Variants in EIF2AK4 observed in about 807,000 individuals in gnomAD.
EIF2AK4 encodes eIF-2-alpha kinase GCN2.
Under a neutral mutation model 211.1 loss-of-function variants are expected in EIF2AK4, and 139 were observed. The observed-to-expected ratio is 0.66, with a 90% confidence interval of 0.57 to 0.76. The LOEUF (loss-of-function observed/expected upper bound fraction) is 0.76. EIF2AK4 is among the 30% of genes least tolerant of loss of function. The pLI is 0.00. For synonymous variants in EIF2AK4, 710 were observed against 751.3 expected (o/e 0.94, Z 0.90); for missense variants, 1,664 against 2,043.8 (o/e 0.81, Z 3.58).
chr15:39,977,430 A>T (rs1010631679), intron 12 of EIF2AK4: 1 of 152,302 alleles, frequency 6.6e-6, no homozygotes. Flanking sequence ...ATCTGACAGG[A>T]GGTGGAGCTC....
Position 40,030,411 on chromosome 15 carries a change from C to A in EIF2AK4, c.4614C>A (p.Ala1538=), listed in dbSNP as rs2035525625. 6.2e-7 allele frequency: 1 copy of A among 1,613,816 alleles called. No homozygotes were observed. Among genetic ancestry groups the A allele is most frequent in the Admixed American group, 1.7e-5 (1 of 59,980 alleles). ...ATVVPIVSVL[A]PEKLSASTRR... is the part of the protein sequence containing the mutation. ...TGGTTCCCATTGTGAGTGTGCTAGC[C>A]CCGGAGAAGCTGTCAGCCAGCACTA... The change falls in exon 35 of 39, where the codon GCC becomes GCA. Residue 1538 remains alanine, a synonymous_variant. Coordinates refer to ENST00000263791, the MANE Select transcript of EIF2AK4 (RefSeq NM_001013703.4).
chr15:39,999,074 AG>A (rs1343670538), intron 20 of EIF2AK4, among the ~76,000 whole-genome samples: 2 of 152,132 alleles, frequency 1.3e-5, no homozygotes, highest in East Asian at 3.8e-4. Flanking sequence ...AAAAAAAAAA[AG>A]AATCCTTTTA....
At chr15:39,988,141 G>A in intron 15 of EIF2AK4, 36 bp downstream of exon 15, 1 of 1,606,118 alleles carries the variant, frequency 6.2e-7, no homozygotes. Context: ...GAAGACTTAT[G>A]TTTACATAAA....
Position 39,963,995 on chromosome 15 carries a change from C to T in EIF2AK4, c.860-1691C>T, listed in dbSNP as rs1180085365. Among the ~76,000 whole-genome samples, 9 of 152,282 alleles carry T rather than the reference C, an allele frequency of 5.9e-5. No homozygotes were observed. The South Asian group carries it at 1.2e-3, about 21-fold the overall frequency. On this transcript the variant is annotated intron_variant, in intron 7 of 38. Transcript: ENST00000263791. ...TTTAATGCCATGTGTTTCTAGTAGACTGCTTAGATCCCACATTTCTCAGGT... is the reference window on the plus strand; with the variant it reads ...TTTAATGCCATGTGTTTCTAGTAGATTGCTTAGATCCCACATTTCTCAGGT...
chr15:39,939,644 C>T (rs375170837), intron 2 of EIF2AK4, 27 bp downstream of exon 2: 13 of 1,554,748 alleles, frequency 8.4e-6, no homozygotes, highest in African/African-American at 6.8e-5. Context: ...ATAGCTTTGA[C>T]GTGGTTTCAG....
chr15:40,011,420 C>G, intron 27 of EIF2AK4, 74 bp downstream of exon 27: 2 of 1,346,300 alleles, frequency 1.5e-6, no homozygotes, highest in Admixed American at 2.0e-5. Flanking sequence ...ATCAAATTCT[C>G]GTTGCAGTAG....
At chr15:39,989,994 T>C (rs1367900490) in intron 15 of EIF2AK4, among the ~76,000 whole-genome samples, 1 of 152,100 alleles carries the variant, frequency 6.6e-6, no homozygotes, top group East Asian at 1.9e-4. Context: ...GCAGCAGAGG[T>C]AAGGGTAACT....
intron 34 of EIF2AK4, among the ~76,000 whole-genome samples, chr15:40,030,152 A>G (rs1020971980): frequency 6.6e-6 from 1 of 152,104 alleles, no homozygotes; most frequent in African/African-American, 2.4e-5. Context: ...TGAGGAGAGA[A>G]GCATCAAAAC....
At chr15:39,943,252 G>A in intron 2 of EIF2AK4, 131 bp from the exon 3 acceptor site, 4 of 625,188 alleles carry the variant, frequency 6.4e-6, no homozygotes, top group South Asian at 2.5e-5. Flanking sequence ...GAGTTGCAGG[G>A]ATATGGTTGA....
rs752398827 is a variant in EIF2AK4, at chr15:39,967,719, C to T, written c.1393C>T (p.Arg465Cys). The part of the protein sequence containing the change: ...KEDVFEQTRV[R>C]FSDNALPYKT... ...GGATGTGTTTGAGCAAACCCGAGTT[C>T]GTTTTAGTGACAATGCTCTGCCTTA... Residue 465 changes from arginine (R) to cysteine (C), a missense_variant, in exon 9 of 39, where the codon CGT becomes TGT. This residue lies in a region of EIF2AK4 where 641 missense variants were observed against 729.6 expected (regional missense o/e 0.88). Coordinates refer to ENST00000263791, the MANE Select transcript of EIF2AK4 (RefSeq NM_001013703.4). The T allele has an allele frequency of 2.5e-6, 4 of 1,614,128 alleles. No individual in the cohort carries two copies. The highest frequency in any genetic ancestry group is 2.2e-5 in the East Asian group (1 of 44,886).
Position 39,996,967 on chromosome 15 carries a change from G to A in EIF2AK4, c.2770G>A (p.Val924Met). Residue 924 changes from valine to methionine, a missense_variant, in exon 19 of 39, where the codon GTG becomes ATG. Physicochemically the swap from Val to Met is conservative, Grantham distance 21. Coordinates refer to ENST00000263791, the MANE Select transcript of EIF2AK4 (RefSeq NM_001013703.4). ...GSTKSAYNQK[V>M]DLFSLGIIFF... is the part of the protein sequence containing the mutation. ...TGCAATTATTCTTCCCCCTCAGAAAGTGGATCTCTTCAGCCTGGGAATTAT... is the reference window on the plus strand; with the variant it reads ...TGCAATTATTCTTCCCCCTCAGAAAATGGATCTCTTCAGCCTGGGAATTAT... 1 of 1,609,176 alleles carries A rather than the reference G, an allele frequency of 6.2e-7. No homozygotes were observed. Among genetic ancestry groups the A allele is most frequent in the South Asian group, 1.1e-5 (1 of 90,930 alleles).
At chr15:39,998,677 G>T (rs913668098) in intron 19 of EIF2AK4, 54 bp from the exon 20 acceptor site, 3 of 1,372,726 alleles carry the variant, frequency 2.2e-6, no homozygotes, top group African/African-American at 2.9e-5. Context: ...GTGAATAAAT[G>T]CTTTCACTGT....
Position 40,029,392 on chromosome 15 carries a change from T to G in EIF2AK4, c.4503-14T>G. 1 of 1,612,228 alleles carries G rather than the reference T, an allele frequency of 6.2e-7. No individual in the cohort carries two copies. The highest frequency in any genetic ancestry group is 8.5e-7 in the Non-Finnish European group (1 of 1,179,706). The stretch of plus-strand genomic sequence containing the variant: ...TTGACTGTTCTTTAATTGTTTTTGT[T>G]TGCTTGTTTTTAGAGAAGCTTCCGA... On this transcript the variant is annotated splice_polypyrimidine_tract_variant and intron_variant, in intron 33 of 38. Coordinates refer to ENST00000263791, the MANE Select transcript of EIF2AK4 (RefSeq NM_001013703.4).
chr15:39,983,914 G>A (rs1243590067), intron 13 of EIF2AK4, among the ~76,000 whole-genome samples: 1 of 152,196 alleles, frequency 6.6e-6, no homozygotes, highest in Non-Finnish European at 1.5e-5. Context: ...TTTTAGTCAT[G>A]AAGTCTTTTC....
intron 19 of EIF2AK4, 131 bp downstream of exon 19, chr15:39,997,196 C>T (rs1405823821): frequency 7.3e-6 from 5 of 687,386 alleles, no homozygotes; most frequent in African/African-American, 7.2e-5. Flanking sequence ...ATTTTAATGA[C>T]TCATTTATTC....
intron 4 of EIF2AK4, among the ~76,000 whole-genome samples, chr15:39,952,388 G>A (rs531868659): frequency 6.6e-5 from 10 of 150,748 alleles, no homozygotes; most frequent in South Asian, 6.3e-4. Context: ...GGATCCTCCC[G>A]CCTAAGCTGC....
chr15:39,983,938 C>T (rs2034829709), intron 13 of EIF2AK4, among the ~76,000 whole-genome samples: 1 of 152,142 alleles, frequency 6.6e-6, no homozygotes, highest in Non-Finnish European at 1.5e-5. Flanking sequence ...TGCCTGTGTC[C>T]TGAATGGTAT....
Position 39,961,842 on chromosome 15 carries a change from C to A in EIF2AK4, c.802C>A (p.Leu268Met). The A allele has an allele frequency of 6.2e-7, 1 of 1,614,106 alleles. No individual in the cohort carries two copies. Among genetic ancestry groups the A allele is most frequent in the Non-Finnish European group, 8.5e-7 (1 of 1,180,016 alleles). ...SEDSPGSCEI[L>M]YFNMGSPDQL... ...AGATTCTCCTGGCTCTTGTGAAATTCTGTATTTCAATATGGGGAGTCCTGA... is the reference window on the plus strand; with the variant it reads ...AGATTCTCCTGGCTCTTGTGAAATTATGTATTTCAATATGGGGAGTCCTGA... Residue 268 changes from leucine (L) to methionine (M), a missense_variant, in exon 7 of 39, where the codon CTG (leucine) becomes ATG (methionine). Leu to Met is a conservative substitution (Grantham distance 15). Coordinates refer to ENST00000263791, the MANE Select transcript of EIF2AK4 (RefSeq NM_001013703.4).
At chr15:39,952,176 T>G (rs1430126968) in intron 4 of EIF2AK4, among the ~76,000 whole-genome samples, 1 of 152,240 alleles carries the variant, frequency 6.6e-6, no homozygotes, top group Middle Eastern at 3.2e-3. Context: ...TTAAAAAATC[T>G]TACATATTTA....
Sources: gnomAD v4.1 joint callset for allele counts (sites outside exome capture counted in the v4.1 genomes callset) on GRCh38, gnomAD v4.1.1 for gene constraint, gnomAD v4.1.1 regional missense constraint, MANE v1.5 for transcripts, NCBI Gene and HGNC (gene_info 2026-07-23, HGNC 2026-07-21) for gene names.